The following NTN1 variants were observed in gnomAD, a reference collection of about 807,000 sequenced individuals.
NTN1 encodes the protein netrin-1.
NTN1 carries 11 observed loss-of-function variants against 54.2 expected under a neutral mutation model. That is an observed-to-expected ratio of 0.20 (90% CI 0.13 to 0.34). The LOEUF (loss-of-function observed/expected upper bound fraction) is 0.34. Among genes scored for constraint, NTN1 ranks in the 10% least tolerant of loss-of-function variants. NTN1 has a pLI of 1.00. For synonymous variants in NTN1, 371 were observed against 382.0 expected (o/e 0.97, Z 0.33); for missense variants, 740 against 893.1 (o/e 0.83, Z 2.18).
chr17:9,169,413 T>C (rs576763656), intron 3 of NTN1, among the ~76,000 whole-genome samples: 5 of 152,352 alleles, frequency 3.3e-5, no homozygotes, highest in Non-Finnish European at 7.3e-5. Flanking sequence ...CCTGATCTTG[T>C]GACTCGACCC....
the NTN1 span, among the ~76,000 whole-genome samples, chr17:9,012,472 C>T: frequency 6.6e-6 from 1 of 151,744 alleles, no homozygotes; most frequent in East Asian, 1.9e-4. Context: ...GATCGCACCA[C>T]TGCACTCCAG....
At chr17:9,235,440 C>CTA (rs1181478560) in intron 6 of NTN1, among the ~76,000 whole-genome samples, 1 of 150,256 alleles carries the variant, frequency 6.7e-6, no homozygotes, top group Non-Finnish European at 1.5e-5. Flanking sequence ...AATGCAGGGA[C>CTA]AGTGGGAGTT....
chr17:9,193,850 G>A (rs527513206), intron 5 of NTN1, among the ~76,000 whole-genome samples: 10 of 145,314 alleles, frequency 6.9e-5, no homozygotes, highest in African/African-American at 2.5e-4. Flanking sequence ...TGAACCTGGA[G>A]GTAGAGGTTG....
At chr17:9,150,393 G>A (rs1000669394) in intron 2 of NTN1, among the ~76,000 whole-genome samples, 1 of 152,238 alleles carries the variant, frequency 6.6e-6, no homozygotes, top group Non-Finnish European at 1.5e-5. Context: ...TTGGGGTGGC[G>A]GGCTGGTTGG....
At chr17:9,022,034 A>G (rs2091850643) in intron 1 of NTN1, among the ~76,000 whole-genome samples, 1 of 151,540 alleles carries the variant, frequency 6.6e-6, no homozygotes, top group Non-Finnish European at 1.5e-5. Context: ...GCGGACGGGG[A>G]GACCGGCTCA....
rs56255655 is a variant in NTN1 at position 9,163,147 on chromosome 17, G to GACACAC, written c.1207+179_1207+184dup. ...CATCTCTCTCTCTTTCTCTCTCTGT[G>GACACAC]ACACACACACACACACACACACACA... On this transcript the variant is annotated intron_variant, in intron 3 of 6. Transcript: ENST00000173229. 7.2e-4 allele frequency: 379 copies of GACACAC among 524,726 alleles called. 1 individual carries two copies. Among genetic ancestry groups the GACACAC allele is most frequent in the African/African-American group, 5.0e-3 (255 of 50,856 alleles). The allele number at this position is 524,726 out of a possible 1,614,324, so 32.5% of individuals were successfully genotyped here.
Position 9,203,035 on chromosome 17 carries a change from C to A in NTN1, c.1412-18133C>A, listed in dbSNP as rs750172958. 5.3e-5 allele frequency among the ~76,000 whole-genome samples: 8 copies of A among 152,214 alleles called. No individual in the cohort carries two copies. In the South Asian group the frequency reaches 1.7e-3, roughly 31 times the overall value. On this transcript the variant is annotated intron_variant, in intron 5 of 6. Coordinates refer to ENST00000173229, the MANE Select transcript of NTN1 (RefSeq NM_004822.3). ...CTTCCGGGTTCACACCATTCTCCTG[C>A]CTCAGCCTCCCGAGTAGCTGGGACT...
intron 6 of NTN1, among the ~76,000 whole-genome samples, chr17:9,229,079 AC>A (rs1222792073): frequency 5.9e-4 from 4 of 6,738 alleles, no homozygotes; most frequent in African/African-American, 4.2e-3. Context: ...TGTGTTTGTG[AC>A]TGTGTGTGTG....
chr17:9,037,238 T>C (rs2091906316), intron 2 of NTN1, among the ~76,000 whole-genome samples: 1 of 152,242 alleles, frequency 6.6e-6, no homozygotes, highest in Non-Finnish European at 1.5e-5. Context: ...TCTGGTTTCT[T>C]TTGCTCAGCC....
chr17:9,198,503 C>T (rs1469544648), intron 5 of NTN1, among the ~76,000 whole-genome samples: 1 of 152,208 alleles, frequency 6.6e-6, no homozygotes, highest in African/African-American at 2.4e-5. Context: ...CTCTGCTATA[C>T]TTGGTAGGTG....
chr17:9,238,607 G>A (rs151023357), intron 6 of NTN1, among the ~76,000 whole-genome samples: 1,782 of 152,294 alleles, frequency 0.012, 19 homozygotes, highest in Middle Eastern at 0.02. Flanking sequence ...AGTCACAGTT[G>A]TTTGAGAAAC....
intron 3 of NTN1, chr17:9,172,699 A>T (rs976355574): frequency 6.6e-6 from 1 of 152,104 alleles, no homozygotes; most frequent in Non-Finnish European, 1.5e-5. Context: ...GTCCTTAGTC[A>T]TTAGAGAACT....
At chr17:9,213,345 C>T (rs965824506) in intron 5 of NTN1, among the ~76,000 whole-genome samples, 3 of 152,214 alleles carry the variant, frequency 2.0e-5, no homozygotes, top group African/African-American at 7.2e-5. Flanking sequence ...GGACCTCCTG[C>T]AGAGCTGCCA....
intron 2 of NTN1, among the ~76,000 whole-genome samples, chr17:9,033,509 C>A (rs1399753716): frequency 6.6e-6 from 1 of 152,238 alleles, no homozygotes. Flanking sequence ...CAGCAGCTCA[C>A]ACCAGTAATC....
chr17:9,013,943 A>C, the NTN1 span, among the ~76,000 whole-genome samples: 1 of 152,180 alleles, frequency 6.6e-6, no homozygotes, highest in Non-Finnish European at 1.5e-5. Context: ...AATGAAAATA[A>C]ATTACATCTG....
chr17:9,076,687 C>G (rs1046715343), intron 2 of NTN1, among the ~76,000 whole-genome samples: 1 of 152,204 alleles, frequency 6.6e-6, no homozygotes, highest in Non-Finnish European at 1.5e-5. Context: ...AGGTTCCCTA[C>G]TTTAGATTAG....
At chr17:9,109,139 T>A (rs2092180475) in intron 2 of NTN1, among the ~76,000 whole-genome samples, 1 of 152,202 alleles carries the variant, frequency 6.6e-6, no homozygotes, top group Admixed American at 6.5e-5. Flanking sequence ...CCTCCCAAAG[T>A]GCAAGGATTA....
chr17:9,127,075 G>GGGC (rs2092249856), intron 2 of NTN1, among the ~76,000 whole-genome samples: 1 of 149,390 alleles, frequency 6.7e-6, no homozygotes, highest in Non-Finnish European at 1.5e-5. Flanking sequence ...TAGGGCCGGG[G>GGGC]GGGGGCAGGA....
intron 2 of NTN1, among the ~76,000 whole-genome samples, chr17:9,064,288 G>A (rs753866051): frequency 1.3e-5 from 2 of 152,060 alleles, no homozygotes; most frequent in East Asian, 1.9e-4. Context: ...CCAGGAGCTC[G>A]CCCCAGGGTT....
Sources: allele counts gnomAD v4.1 joint callset (sites outside exome capture counted in the v4.1 genomes callset), GRCh38; gene constraint gnomAD v4.1.1; transcripts MANE v1.5; gene names NCBI Gene and HGNC (gene_info 2026-07-23, HGNC 2026-07-21).